Variants in TSHZ3 observed in about 807,000 individuals in gnomAD.
TSHZ3 encodes the protein teashirt homolog 3.
A neutral mutation model predicts 64.5 loss-of-function variants in TSHZ3; 10 were observed. That is an observed-to-expected ratio of 0.16 (90% CI 0.10 to 0.26). TSHZ3 has a LOEUF of 0.26. TSHZ3 is among the 10% of genes least tolerant of loss of function. TSHZ3 has a pLI of 1.00. For missense variants in TSHZ3, 1,242 were observed against 1,421.7 expected (o/e 0.87, Z 2.03); for synonymous variants, 608 against 593.1 (o/e 1.03, Z -0.36).
intron 5 of TSHZ3, among the ~76,000 whole-genome samples, chr19:31,199,947 GCAAA>G (rs1975053583): frequency 6.6e-6 from 1 of 150,434 alleles, no homozygotes; most frequent in South Asian, 2.1e-4. Context: ...TATACAGATA[GCAAA>G]CAGTCTATAA....
At chr19:31,243,807 C>G (rs1051136196) in intron 1 of TSHZ3, among the ~76,000 whole-genome samples, 7 of 152,178 alleles carry the variant, frequency 4.6e-5, no homozygotes, top group Non-Finnish European at 1.0e-4. Flanking sequence ...ACCTCACTGA[C>G]TCTGTTTTCC....
chr19:31,320,595 A>G (rs574837663), intron 1 of TSHZ3, among the ~76,000 whole-genome samples: 2 of 152,276 alleles, frequency 1.3e-5, no homozygotes, highest in East Asian at 3.9e-4. Flanking sequence ...GAGAAGGGAC[A>G]TGTTCAGGAT....
chr19:31,300,067 T>C (rs954103239), intron 1 of TSHZ3, among the ~76,000 whole-genome samples: 1 of 149,358 alleles, frequency 6.7e-6, no homozygotes, highest in African/African-American at 2.4e-5. Context: ...CGCGAGAGAG[T>C]GTGTGTGTGT....
chr19:31,341,688 C>G (rs1917444808), intron 1 of TSHZ3, among the ~76,000 whole-genome samples: 2 of 151,446 alleles, frequency 1.3e-5, no homozygotes, highest in Admixed American at 1.3e-4. Flanking sequence ...CCCACAGTCC[C>G]ACACCATAAG....
At position 31,267,035 on chromosome 19, in the gene TSHZ3, GC is replaced by G. The variant is rs375128781; in HGVS notation, n.64-24161del. Among the ~76,000 whole-genome samples, 30 of 152,320 alleles carry G rather than the reference GC, an allele frequency of 2.0e-4. No homozygotes were observed. The East Asian group carries it at 4.5e-3, about 23-fold the overall frequency. On this transcript the variant is annotated intron_variant and non_coding_transcript_variant, in intron 1 of 6. Coordinates refer to the TSHZ3 transcript ENST00000651361. ...GCCTTGCAATTTCACTTTGTTTTCTGCCCAATCGTGTTCTTCATTCACTGCG... is the reference window on the plus strand; with the variant it reads ...GCCTTGCAATTTCACTTTGTTTTCTGCCAATCGTGTTCTTCATTCACTGCG...
chr19:31,213,114 G>GGGAGGC (rs1473555681), intron 4 of TSHZ3, among the ~76,000 whole-genome samples: 1 of 151,934 alleles, frequency 6.6e-6, no homozygotes, highest in African/African-American at 2.4e-5. Flanking sequence ...CTAGCACTTT[G>GGGAGGC]GGAGGCGGAG....
upstream of TSHZ3, chr19:31,349,491 AGAG>A (rs1175696457): frequency 6.7e-5 from 23 of 344,806 alleles, no homozygotes; most frequent in Middle Eastern, 7.9e-4. Flanking sequence ...AGGAGGAGGC[AGAG>A]GAGGAGGAGG....
At chr19:31,177,755 A>G (rs1393695590) in intron 5 of TSHZ3, among the ~76,000 whole-genome samples, 4 of 152,212 alleles carry the variant, frequency 2.6e-5, no homozygotes, top group African/African-American at 9.7e-5. Flanking sequence ...CTAGAATATA[A>G]TAACTTGACA....
In TSHZ3 at chr19:31,173,720, G is replaced by A. The variant is rs567975344; in HGVS notation, n.810-17303C>T. On this transcript the variant is annotated intron_variant and non_coding_transcript_variant, in intron 5 of 6. Coordinates refer to the TSHZ3 transcript ENST00000651361. The stretch of plus-strand genomic sequence containing the variant: ...TCCAACCTGGCCACTCTCTCCCACC[G>A]GATCCTGTTGTATTAGTCAAGGTTT... Among the ~76,000 whole-genome samples, 116 of 152,220 alleles carry A rather than the reference G, an allele frequency of 7.6e-4. 2 individuals carry two copies. In the South Asian group the frequency reaches 0.016, roughly 21 times the overall value.
intron 1 of TSHZ3, among the ~76,000 whole-genome samples, chr19:31,286,714 G>A (rs1348212058): frequency 6.6e-6 from 1 of 152,302 alleles, no homozygotes; most frequent in South Asian, 2.1e-4. Context: ...CCCTGTCCCC[G>A]GAATGAGGAG....
intron 4 of TSHZ3, among the ~76,000 whole-genome samples, chr19:31,225,656 C>A (rs1287203873): frequency 6.6e-6 from 1 of 152,140 alleles, no homozygotes; most frequent in East Asian, 1.9e-4. Context: ...GAAGTTCGCC[C>A]TTCTCCTTCC....
intron 5 of TSHZ3, among the ~76,000 whole-genome samples, chr19:31,183,232 C>T (rs1205034566): frequency 6.8e-6 from 1 of 146,988 alleles, no homozygotes; most frequent in Non-Finnish European, 1.5e-5. Flanking sequence ...CTCTCTTTCT[C>T]TCTCTCTCTC....
At position 31,278,241 on chromosome 19, in the gene TSHZ3, C is replaced by A; in HGVS notation, c.1552G>T (p.Gly518Trp). 3.7e-6 allele frequency: 6 copies of A among 1,614,182 alleles called. No individual in the cohort carries two copies. The highest frequency in any genetic ancestry group is 1.1e-5 in the South Asian group (1 of 91,082). Residue 518 changes from glycine (G) to tryptophan (W), a missense_variant, in exon 2 of 2, where the codon GGG (glycine) becomes TGG (tryptophan). Coordinates refer to ENST00000240587, the MANE Select transcript of TSHZ3 (RefSeq NM_020856.4). The surrounding 1 kb of genome is among the most constrained non-coding windows in gnomAD (Gnocchi z 4.7). ...TENDLEESPKGGLDILKSLEN... is the reference protein window; with the variant it reads ...TENDLEESPKWGLDILKSLEN... ...AAGGATTTGAGGATATCAAGCCCCC[C>A]CTTGGGACTCTCTTCTAAGTCATTT...
chr19:31,237,165 A>C (rs1291241802), intron 3 of TSHZ3, among the ~76,000 whole-genome samples: 1 of 152,128 alleles, frequency 6.6e-6, no homozygotes, highest in Non-Finnish European at 1.5e-5. Flanking sequence ...ACAAACAAAC[A>C]AAAAACAATC....
At chr19:31,189,539 G>C (rs1974868334) in intron 5 of TSHZ3, among the ~76,000 whole-genome samples, 1 of 151,534 alleles carries the variant, frequency 6.6e-6, no homozygotes, top group Admixed American at 6.6e-5. Flanking sequence ...AGATATATGA[G>C]GATTTTCCAA....
At chr19:31,215,874 A>G (rs1049630750) in intron 4 of TSHZ3, among the ~76,000 whole-genome samples, 3 of 152,112 alleles carry the variant, frequency 2.0e-5, no homozygotes, top group African/African-American at 4.8e-5. Flanking sequence ...CTGTCTCAAA[A>G]AAAAAGGTAT....
intron 1 of TSHZ3, among the ~76,000 whole-genome samples, chr19:31,341,437 C>T (rs928749977): frequency 6.6e-6 from 1 of 152,066 alleles, no homozygotes; most frequent in Non-Finnish European, 1.5e-5. Flanking sequence ...TTCAGTCCAA[C>T]AGGCAACATC....
chr19:31,273,678 G>A (rs1976177358), downstream of TSHZ3, among the ~76,000 whole-genome samples: 1 of 152,256 alleles, frequency 6.6e-6, no homozygotes, highest in Admixed American at 6.5e-5. Context: ...AGGCACGGGA[G>A]GGAGGATGTC....
At chr19:31,213,385 A>AAAAAAAAAAAAC (rs1568349938) in intron 4 of TSHZ3, among the ~76,000 whole-genome samples, 1 of 147,696 alleles carries the variant, frequency 6.8e-6, no homozygotes, top group Non-Finnish European at 1.5e-5. Flanking sequence ...AAAAAAAAAA[A>AAAAAAAAAAAAC]AAAAAATCAG....
Sources: gnomAD v4.1 joint callset for allele counts (sites outside exome capture counted in the v4.1 genomes callset) on GRCh38, gnomAD v4.1.1 for gene constraint, Gnocchi (gnomAD v3.1) non-coding constraint, MANE v1.5 for transcripts, NCBI Gene and HGNC (gene_info 2026-07-23, HGNC 2026-07-21) for gene names.